Variants in RIC1 observed in about 807,000 individuals in gnomAD.
The protein encoded by RIC1 is RIC1 partner of RAB6A GEF complex.
In RIC1, 88 loss-of-function variants were observed where a neutral mutation model predicts 169.0. That is an observed-to-expected ratio of 0.52 (90% CI 0.44 to 0.62). The LOEUF (loss-of-function observed/expected upper bound fraction) is 0.62, where lower values mean the gene tolerates loss of function less well. Ranked by LOEUF, RIC1 falls within the 20% of genes least tolerant of loss-of-function variation. RIC1 has a pLI of 0.00. For synonymous variants in RIC1, 790 were observed against 601.5 expected (o/e 1.31, Z -4.59); for missense variants, 1,877 against 1,725.5 (o/e 1.09, Z -1.56).
intron 17 of RIC1, 57 bp downstream of exon 17, chr9:5,757,508 G>C: frequency 6.4e-7 from 1 of 1,569,982 alleles, no homozygotes; most frequent in Non-Finnish European, 8.8e-7. Flanking sequence ...TAGTATTTGA[G>C]TCCATATTAG....
chr9:5,641,109 T>G (rs1255249480), intron 1 of RIC1, among the ~76,000 whole-genome samples: 1 of 151,856 alleles, frequency 6.6e-6, no homozygotes, highest in Admixed American at 6.6e-5. Flanking sequence ...TTTTTTTTTT[T>G]TGGACGGGGT....
intron 2 of RIC1, among the ~76,000 whole-genome samples, chr9:5,677,226 G>A (rs1003509581): frequency 1.3e-5 from 2 of 152,122 alleles, no homozygotes; most frequent in East Asian, 1.9e-4. Context: ...TTCTGGTAGT[G>A]GTGTAGTGAT....
At chr9:5,655,984 C>G (rs1819074048) in intron 1 of RIC1, among the ~76,000 whole-genome samples, 2 of 152,224 alleles carry the variant, frequency 1.3e-5, no homozygotes, top group East Asian at 1.9e-4. Context: ...ATTCTCCTGC[C>G]TCAGCCTCCT....
intron 2 of RIC1, among the ~76,000 whole-genome samples, chr9:5,671,709 C>T (rs71498625): frequency 0.024 from 3,678 of 152,240 alleles, 65 homozygotes; most frequent in Non-Finnish European, 0.037. Flanking sequence ...GATAGAAGGA[C>T]TAAGCCCCCA....
At chr9:5,745,481 CT>C (rs1825323760) in intron 10 of RIC1, among the ~76,000 whole-genome samples, 1 of 152,150 alleles carries the variant, frequency 6.6e-6, no homozygotes, top group African/African-American at 2.4e-5. Context: ...AATGAAGACT[CT>C]AGTCTCACAG....
intron 3 of RIC1, among the ~76,000 whole-genome samples, chr9:5,695,565 T>C (rs1359507978): frequency 1.3e-5 from 2 of 148,282 alleles, no homozygotes; most frequent in African/African-American, 2.5e-5. Flanking sequence ...TGGATTATTA[T>C]TATATCTTTT....
chr9:5,716,666 T>C (rs1025554952), intron 4 of RIC1, among the ~76,000 whole-genome samples: 11 of 152,222 alleles, frequency 7.2e-5, no homozygotes, highest in African/African-American at 2.7e-4. Context: ...TTATTAGTTA[T>C]CGAACAGGGT....
intron 1 of RIC1, among the ~76,000 whole-genome samples, chr9:5,651,796 G>A (rs1160120038): frequency 6.6e-6 from 1 of 152,048 alleles, no homozygotes; most frequent in African/African-American, 2.4e-5. Context: ...TCGAACTCCT[G>A]ATCTCAAGTG....
At chr9:5,729,487 C>G (rs1824223091) in intron 6 of RIC1, among the ~76,000 whole-genome samples, 1 of 152,180 alleles carries the variant, frequency 6.6e-6, no homozygotes, top group Non-Finnish European at 1.5e-5. Context: ...AAGGATTCTA[C>G]TCATTGATAT....
intron 3 of RIC1, among the ~76,000 whole-genome samples, chr9:5,697,722 T>C (rs1328535905): frequency 6.6e-6 from 1 of 152,194 alleles, no homozygotes; most frequent in Non-Finnish European, 1.5e-5. Flanking sequence ...AGAATTTACA[T>C]AGGACTGCCA....
At chr9:5,680,231 G>T (rs1820733461) in intron 2 of RIC1, among the ~76,000 whole-genome samples, 1 of 152,194 alleles carries the variant, frequency 6.6e-6, no homozygotes, top group Admixed American at 6.5e-5. Context: ...TGTGCTGCTG[G>T]ATTCAGTTTG....
At chr9:5,756,992 C>T (rs989798908) in intron 16 of RIC1, among the ~76,000 whole-genome samples, 1 of 152,208 alleles carries the variant, frequency 6.6e-6, no homozygotes, top group African/African-American at 2.4e-5. Context: ...AGACATCTCA[C>T]TAGCCTCAAT....
In RIC1 at chr9:5,756,312, T is replaced by C; in HGVS notation, c.1793T>C (p.Val598Ala). 1.3e-6 allele frequency: 2 copies of C among 1,596,892 alleles called. No homozygotes were observed. The highest frequency in any genetic ancestry group is 1.7e-6 in the Non-Finnish European group (2 of 1,169,576). ...TLLLSVFQDM[V>A]IVFRADCSIC... ...CTGCTTAGTGTCTTCCAGGACATGG[T>C]AATAGTATTTAGAGCAGACTGTTCA... The change falls in exon 16 of 26, where the codon GTA becomes GCA. Residue 598 changes from valine to alanine, a missense_variant. By Grantham distance (64) the Val-to-Ala change is moderately conservative. Around this residue, in one of 3 missense-constraint regions of RIC1, gnomAD observed 1,104 missense variants for 992.0 expected, o/e 1.11. Coordinates refer to ENST00000414202, the MANE Select transcript of RIC1 (RefSeq NM_020829.4).
intron 15 of RIC1, 99 bp downstream of exon 15, chr9:5,755,029 A>C: frequency 1.5e-6 from 1 of 675,476 alleles, no homozygotes; most frequent in Non-Finnish European, 2.3e-6. Flanking sequence ...AACTGAACAA[A>C]ACATTTTATT....
intron 3 of RIC1, among the ~76,000 whole-genome samples, chr9:5,712,413 A>G (rs140929983): frequency 6.6e-6 from 1 of 152,324 alleles, no homozygotes; most frequent in Non-Finnish European, 1.5e-5. Context: ...CAACCTACAG[A>G]ATGGGAGAAC....
Position 5,711,331 on chromosome 9 carries a change from C to A in RIC1, c.333-2565C>A, listed in dbSNP as rs1174053247. 2.6e-5 allele frequency among the ~76,000 whole-genome samples: 4 copies of A among 152,072 alleles called. No individual in the cohort carries two copies. In the East Asian group the frequency reaches 7.7e-4, roughly 29 times the overall value. On this transcript the variant is annotated intron_variant, in intron 3 of 25. Transcript: ENST00000414202. ...GCATACTTTTTAATTATTAAAGCAA[C>A]TTTCATATACTATATCATTCAACCC...
rs1822025171 is a variant in RIC1, at chr9:5,698,348, C to G, written c.332+8310C>G. 2.0e-5 allele frequency among the ~76,000 whole-genome samples: 3 copies of G among 152,124 alleles called. No homozygotes were observed. The South Asian group carries it at 6.2e-4, about 32-fold the overall frequency. ...TTTACCAATTTGATGAGAAATTACTCCCCGCTCAGTGTCCTGGGAAGTTTG... is the reference window on the plus strand; with the variant it reads ...TTTACCAATTTGATGAGAAATTACTGCCCGCTCAGTGTCCTGGGAAGTTTG... On this transcript the variant is annotated intron_variant, in intron 3 of 25. Transcript: ENST00000414202.
intron 22 of RIC1, 156 bp downstream of exon 22, chr9:5,769,412 T>C (rs770363727): frequency 6.4e-7 from 1 of 1,559,122 alleles, no homozygotes; most frequent in Non-Finnish European, 8.7e-7. Context: ...GAATGCCCAC[T>C]GTTTGACCAA....
chr9:5,753,024 C>T (rs1459263194), intron 12 of RIC1, among the ~76,000 whole-genome samples, 176 bp from the exon 13 acceptor site: 3 of 152,146 alleles, frequency 2.0e-5, no homozygotes, highest in Admixed American at 6.5e-5. Flanking sequence ...CATGAAATAA[C>T]GTAAGATGTA....
Sources: gnomAD v4.1 joint callset for allele counts (sites outside exome capture counted in the v4.1 genomes callset) on GRCh38, gnomAD v4.1.1 for gene constraint, gnomAD v4.1.1 regional missense constraint, MANE v1.5 for transcripts, NCBI Gene and HGNC (gene_info 2026-07-23, HGNC 2026-07-21) for gene names.